The following GMPS variants were observed in gnomAD, a reference collection of about 807,000 sequenced individuals.
GMPS encodes GMP synthase [glutamine-hydrolyzing].
GMPS carries 15 observed loss-of-function variants against 77.9 expected under a neutral mutation model. The ratio of observed to expected loss-of-function variants is 0.19; its 90% confidence interval spans 0.13 to 0.30. GMPS has a LOEUF of 0.30. GMPS is among the 10% of genes least tolerant of loss of function. GMPS has a pLI of 1.00. For missense variants in GMPS, 590 were observed against 838.8 expected (o/e 0.70, Z 3.66); for synonymous variants, 224 against 275.9 (o/e 0.81, Z 1.86).
At chr3:155,926,479 T>G (rs1054730112) in intron 12 of GMPS, among the ~76,000 whole-genome samples, 2 of 152,184 alleles carry the variant, frequency 1.3e-5, no homozygotes, top group African/African-American at 2.4e-5. Context: ...TGGGTTAATG[T>G]GTTTATAATG....
intron 1 of GMPS, among the ~76,000 whole-genome samples, chr3:155,887,315 C>G (rs1754360745): frequency 6.6e-6 from 1 of 151,974 alleles, no homozygotes; most frequent in South Asian, 2.1e-4. Context: ...GGCATGTTAT[C>G]CAAACTCAGT....
chr3:155,937,427 A>T (rs1755789297), intron 15 of GMPS, among the ~76,000 whole-genome samples, 164 bp from the exon 16 acceptor site: 2 of 152,212 alleles, frequency 1.3e-5, no homozygotes, highest in South Asian at 4.1e-4. Flanking sequence ...ATCCCTGCAG[A>T]GGGGAATAGG....
At chr3:155,914,837 C>T (rs1386552231) in intron 8 of GMPS, among the ~76,000 whole-genome samples, 3 of 151,778 alleles carry the variant, frequency 2.0e-5, no homozygotes, top group African/African-American at 4.8e-5. Context: ...TGCACGATCT[C>T]GGCTCGCTGC....
chr3:155,873,617 G>C (rs386067), intron 1 of GMPS, among the ~76,000 whole-genome samples: 10,430 of 138,654 alleles, frequency 0.075, 506 homozygotes, highest in Middle Eastern at 0.2. Flanking sequence ...AGCAGGTGTC[G>C]TTAGGTTACA....
At chr3:155,931,311 G>A (rs1040645921) in intron 12 of GMPS, among the ~76,000 whole-genome samples, 9 of 151,614 alleles carry the variant, frequency 5.9e-5, no homozygotes, top group Admixed American at 1.3e-4. Flanking sequence ...TCAGCCTCCC[G>A]AGTAGCTGGG....
chr3:155,876,930 G>C (rs1471516060), intron 1 of GMPS, among the ~76,000 whole-genome samples: 14 of 152,152 alleles, frequency 9.2e-5, no homozygotes, highest in Non-Finnish European at 1.6e-4. Flanking sequence ...ACTTGCAAGG[G>C]ATGTTTCCCA....
At chr3:155,872,115 G>A (rs558276003) in intron 1 of GMPS, among the ~76,000 whole-genome samples, 1 of 152,300 alleles carries the variant, frequency 6.6e-6, no homozygotes, top group Non-Finnish European at 1.5e-5. Context: ...GGTGCTCTAC[G>A]TCAGATAGTA....
intron 8 of GMPS, among the ~76,000 whole-genome samples, chr3:155,915,189 ATGGCTAAT>A (rs1217783012): frequency 6.6e-6 from 1 of 151,166 alleles, no homozygotes; most frequent in Non-Finnish European, 1.5e-5. Context: ...GATTATCTCA[ATGGCTAAT>A]TTCAAGCTCT....
At chr3:155,912,272 G>T (rs77480354) in intron 7 of GMPS, among the ~76,000 whole-genome samples, 8 of 152,126 alleles carry the variant, frequency 5.3e-5, no homozygotes, top group Non-Finnish European at 1.0e-4. Flanking sequence ...ATACCTTAAG[G>T]ATGTGGGATA....
chr3:155,934,902 C>G lies in GMPS; in HGVS notation c.1677-14C>G. ...AATGTAATTGCTGTATTATTTTTACCTCTTTGTTTCCAGAGTTGTTTATAT... is the reference window on the plus strand; with the variant it reads ...AATGTAATTGCTGTATTATTTTTACGTCTTTGTTTCCAGAGTTGTTTATAT... On this transcript the variant is annotated splice_polypyrimidine_tract_variant and intron_variant, in intron 13 of 15. Coordinates refer to ENST00000496455, the MANE Select transcript of GMPS (RefSeq NM_003875.3). The G allele has an allele frequency of 6.6e-7, 1 of 1,519,566 alleles. No homozygotes were observed. The highest frequency in any genetic ancestry group is 9.1e-7 in the Non-Finnish European group (1 of 1,096,512). The allele number at this position is 1,519,566 out of a possible 1,614,324, so 94.1% of individuals were successfully genotyped here.
chr3:155,908,445 T>C, intron 5 of GMPS, among the ~76,000 whole-genome samples: 1 of 152,234 alleles, frequency 6.6e-6, no homozygotes, highest in East Asian at 1.9e-4. Context: ...CTTCAAAGTG[T>C]CTGCGTGCCT....
intron 1 of GMPS, among the ~76,000 whole-genome samples, chr3:155,882,441 T>C (rs1014242951): frequency 2.6e-5 from 4 of 152,250 alleles, no homozygotes; most frequent in African/African-American, 4.8e-5. Flanking sequence ...TTTTGTATGT[T>C]AAGCTGCATT....
chr3:155,892,779 C>T (rs908991325), intron 1 of GMPS, among the ~76,000 whole-genome samples: 52 of 152,088 alleles, frequency 3.4e-4, no homozygotes, highest in African/African-American at 1.2e-3. Flanking sequence ...TTACAGTGCC[C>T]GCCACCATGC....
intron 1 of GMPS, among the ~76,000 whole-genome samples, chr3:155,883,221 G>A (rs985966872): frequency 9.9e-5 from 15 of 151,978 alleles, no homozygotes; most frequent in African/African-American, 2.4e-4. Flanking sequence ...GTAGGTGTGC[G>A]CCACCACGCC....
intron 3 of GMPS, among the ~76,000 whole-genome samples, chr3:155,901,424 A>G (rs1210625520): frequency 6.6e-6 from 1 of 151,984 alleles, no homozygotes; most frequent in Non-Finnish European, 1.5e-5. Context: ...TTGGCTTTCT[A>G]GTTTCTTTCT....
At chr3:155,905,762 T>A (rs1028262682) in intron 4 of GMPS, among the ~76,000 whole-genome samples, 1 of 152,218 alleles carries the variant, frequency 6.6e-6, no homozygotes, top group African/African-American at 2.4e-5. Context: ...CAGTACTAAG[T>A]CCTATTACTA....
intron 1 of GMPS, among the ~76,000 whole-genome samples, chr3:155,871,824 T>C (rs1011182739): frequency 6.6e-6 from 1 of 152,232 alleles, no homozygotes; most frequent in Non-Finnish European, 1.5e-5. Flanking sequence ...CTGCTGCTCA[T>C]CTCTCCTCCA....
intron 5 of GMPS, among the ~76,000 whole-genome samples, chr3:155,909,740 A>G (rs1754981544): frequency 6.6e-6 from 1 of 150,948 alleles, no homozygotes; most frequent in African/African-American, 2.4e-5. Flanking sequence ...ACTTGAGCCC[A>G]GGAGTTCAAC....
chr3:155,881,592 G>A (rs1157038846), intron 1 of GMPS, among the ~76,000 whole-genome samples: 1 of 152,188 alleles, frequency 6.6e-6, no homozygotes, highest in Admixed American at 6.5e-5. Context: ...CCACGGTAAT[G>A]GTAATTAACA....
Sources: gnomAD v4.1 joint callset for allele counts (sites outside exome capture counted in the v4.1 genomes callset) on GRCh38, gnomAD v4.1.1 for gene constraint, MANE v1.5 for transcripts, NCBI Gene and HGNC (gene_info 2026-07-23, HGNC 2026-07-21) for gene names.